Variants in CUX1 observed in about 807,000 individuals in gnomAD.
CUX1 encodes the protein protein CASP.
Under a neutral mutation model 158.8 loss-of-function variants are expected in CUX1, and 31 were observed. The ratio of observed to expected loss-of-function variants is 0.20; its 90% CI spans 0.15 to 0.26. The LOEUF is 0.26. Ranked by LOEUF, CUX1 falls within the 10% of genes least tolerant of loss-of-function variation. The pLI is 1.00. For missense variants in CUX1, 1,589 were observed against 2,014.6 expected (o/e 0.79, Z 4.04); for synonymous variants, 879 against 862.1 (o/e 1.02, Z -0.34).
At chr7:102,208,951 G>A (rs1409066179) in intron 20 of CUX1, among the ~76,000 whole-genome samples, 1 of 152,206 alleles carries the variant, frequency 6.6e-6, no homozygotes. Context: ...TTCCCAGGTA[G>A]GCAGGGACTT....
At chr7:101,882,398 C>G (rs763299150) in intron 1 of CUX1, among the ~76,000 whole-genome samples, 2 of 152,116 alleles carry the variant, frequency 1.3e-5, no homozygotes, top group African/African-American at 4.8e-5. Context: ...AAAAGTGTCT[C>G]TTCAGAGACC....
intron 8 of CUX1, among the ~76,000 whole-genome samples, chr7:102,118,424 G>C (rs1248662384): frequency 6.6e-6 from 1 of 152,110 alleles, no homozygotes; most frequent in Non-Finnish European, 1.5e-5. Flanking sequence ...TGTAGTCCTG[G>C]ATACTTATGA....
intron 3 of CUX1, among the ~76,000 whole-genome samples, chr7:102,048,997 A>G (rs1327056453): frequency 6.6e-6 from 1 of 151,882 alleles, no homozygotes; most frequent in Non-Finnish European, 1.5e-5. Context: ...TTCTAAGTCC[A>G]GCCAGGTGGG....
intron 9 of CUX1, among the ~76,000 whole-genome samples, chr7:102,165,253 C>A (rs1179258983): frequency 2.0e-5 from 3 of 151,836 alleles, no homozygotes; most frequent in Non-Finnish European, 4.4e-5. Context: ...TGCCTTACCA[C>A]GTTTTATGAG....
At chr7:101,953,459 C>T (rs879850401) in intron 2 of CUX1, among the ~76,000 whole-genome samples, 3 of 152,060 alleles carry the variant, frequency 2.0e-5, no homozygotes, top group Non-Finnish European at 4.4e-5. Context: ...AGTTGGTGAG[C>T]GAATTTACCT....
chr7:102,105,783 G>C (rs1830282461), intron 6 of CUX1, among the ~76,000 whole-genome samples: 1 of 152,032 alleles, frequency 6.6e-6, no homozygotes, highest in Non-Finnish European at 1.5e-5. Flanking sequence ...AAAGTGCTGA[G>C]ATTACAGGTG....
rs1210603142 is a variant in CUX1, at chr7:102,251,344, G to A, written c.*2302G>A. The A allele has an allele frequency of 6.1e-6, 6 of 985,230 alleles. No individual in the cohort carries two copies. The highest frequency in any genetic ancestry group is 7.2e-6 in the Non-Finnish European group (6 of 829,942). The allele number at this position is 985,230 out of a possible 1,614,324, so 61.0% of individuals were successfully genotyped here. A position where few individuals can be genotyped will look rare whatever the true frequency, so the allele number is the denominator to read the frequency against. ...TTGTAGGACTTTGACTGTAAGATGT[G>A]AAACCACGTTTCTTGCATGATGTTT... is the stretch of plus-strand genomic sequence containing the variant. On this transcript the variant is annotated 3_prime_UTR_variant, in exon 24 of 24. Coordinates refer to ENST00000292535, the MANE Select transcript of CUX1 (RefSeq NM_181552.4).
chr7:102,002,893 CTTTTTA>C (rs916721630), intron 2 of CUX1, among the ~76,000 whole-genome samples: 17 of 152,116 alleles, frequency 1.1e-4, no homozygotes, highest in African/African-American at 4.1e-4. Flanking sequence ...CAGAGAGACT[CTTTTTA>C]TTTTTATTTA....
At chr7:101,857,099 G>A (rs1796932444) in intron 1 of CUX1, among the ~76,000 whole-genome samples, 4 of 152,148 alleles carry the variant, frequency 2.6e-5, no homozygotes, top group Admixed American at 2.6e-4. Flanking sequence ...CGTACCACCC[G>A]CCGCGGGCCA....
intron 5 of CUX1, among the ~76,000 whole-genome samples, chr7:102,098,788 C>T (rs1198499865): frequency 2.0e-5 from 3 of 149,034 alleles, no homozygotes; most frequent in Non-Finnish European, 3.0e-5. Flanking sequence ...CTACAGGAGC[C>T]CGCCACCACG....
intron 4 of CUX1, among the ~76,000 whole-genome samples, chr7:102,076,245 C>T (rs138221353): frequency 0.035 from 5,397 of 152,106 alleles, 315 homozygotes; most frequent in African/African-American, 0.12. Context: ...ATTAGGTGGG[C>T]GTGGTGGTGG....
intron 9 of CUX1, among the ~76,000 whole-genome samples, chr7:102,165,722 G>A (rs1223547642): frequency 1.3e-5 from 2 of 152,166 alleles, no homozygotes; most frequent in South Asian, 2.1e-4. Flanking sequence ...GGGATGGGCA[G>A]GGGTTGGGGG....
chr7:101,996,739 A>G (rs1815958701), intron 2 of CUX1, among the ~76,000 whole-genome samples: 1 of 133,926 alleles, frequency 7.5e-6, no homozygotes, highest in South Asian at 2.3e-4. Context: ...TCTTCCTCCT[A>G]CCCTTCATTG....
intron 2 of CUX1, among the ~76,000 whole-genome samples, chr7:102,008,213 GTTC>G (rs1817603809): frequency 6.6e-6 from 1 of 152,166 alleles, no homozygotes; most frequent in African/African-American, 2.4e-5. Flanking sequence ...CCATGTCTGG[GTTC>G]TTCTAGGGGC....
Position 102,178,560 on chromosome 7 carries a change from A to G in CUX1, c.920A>G (p.Gln307Arg), listed in dbSNP as rs1554512806. 1 of 1,613,268 alleles carries G rather than the reference A, an allele frequency of 6.2e-7. No individual in the cohort carries two copies. Among genetic ancestry groups the G allele is most frequent in the Admixed American group, 1.7e-5 (1 of 59,924 alleles). Reference protein sequence around the residue: ...REIAQLVEDVQRLQASLTKLR... With the variant: ...REIAQLVEDVRRLQASLTKLR... ...ATCGCACAGCTGGTGGAGGACGTGC[A>G]GAGACTCCAGGCCAGCCTCACCAAG... The change falls in exon 11 of 24, where the codon CAG becomes CGG. Residue 307 changes from glutamine to arginine, a missense_variant. By Grantham distance (43) the Gln-to-Arg change is conservative (BLOSUM62 1). This residue lies in a region of CUX1 where 515 missense variants were observed against 574.4 expected (regional missense o/e 0.90). Transcript: ENST00000292535.
intron 8 of CUX1, among the ~76,000 whole-genome samples, chr7:102,145,035 C>T (rs962267496): frequency 6.8e-6 from 1 of 146,964 alleles, no homozygotes. Context: ...TGCAGTGAGC[C>T]GAGATCGCAC....
chr7:102,084,788 A>C (rs1827791701), intron 4 of CUX1, among the ~76,000 whole-genome samples: 1 of 145,882 alleles, frequency 6.9e-6, no homozygotes, highest in Non-Finnish European at 1.5e-5. Context: ...AAGTTGGTTG[A>C]TAGTGTTGTT....
At chr7:101,943,540 C>A (rs977585183) in intron 2 of CUX1, among the ~76,000 whole-genome samples, 1 of 152,036 alleles carries the variant, frequency 6.6e-6, no homozygotes, top group African/African-American at 2.4e-5. Flanking sequence ...TCTTGGTGTT[C>A]GCTCTCAAAT....
rs1798299046 is a variant in CUX1 at position 101,869,847 on chromosome 7, T to C, written c.31-46268T>C. Among the ~76,000 whole-genome samples, 1 of 152,234 alleles carries C rather than the reference T, an allele frequency of 6.6e-6. No individual in the cohort carries two copies. The highest frequency in any genetic ancestry group is 2.1e-4 in the South Asian group (1 of 4,824). On this transcript the variant is annotated intron_variant, in intron 1 of 23. Coordinates refer to ENST00000292535, the MANE Select transcript of CUX1 (RefSeq NM_181552.4). This position sits in a 1 kb window ranked among gnomAD's most constrained non-coding sequence, Gnocchi z 4.5. ...TGGCTCCCCTCCGCCAAATCTTAAA[T>C]CCTCTTGTTAAGACGCGCTCCGCCC...
Sources: gnomAD v4.1 joint callset for allele counts (sites outside exome capture counted in the v4.1 genomes callset) on GRCh38, gnomAD v4.1.1 for gene constraint, gnomAD v4.1.1 regional missense constraint, Gnocchi (gnomAD v3.1) non-coding constraint, MANE v1.5 for transcripts, NCBI Gene and HGNC (gene_info 2026-07-23, HGNC 2026-07-21) for gene names.